The following CPQ variants were observed in gnomAD, a reference collection of about 807,000 sequenced individuals.
The protein encoded by CPQ is Ser-Met dipeptidase.
In CPQ, 37 loss-of-function variants were observed where a neutral mutation model predicts 45.7. The observed-to-expected ratio is 0.81, with a 90% confidence interval of 0.62 to 1.07. The LOEUF (loss-of-function observed/expected upper bound fraction) is 1.07, where lower values mean the gene tolerates loss of function less well. CPQ is among the 50% of genes least tolerant of loss of function. The pLI, the probability that CPQ is intolerant of heterozygous loss-of-function variation, is 0.00. For synonymous variants in CPQ, 186 were observed against 205.8 expected, an observed-to-expected ratio of 0.90 and a Z score of 0.82; for missense variants, 537 against 572.9, an observed-to-expected ratio of 0.94 and a Z score of 0.64.
intron 7 of CPQ, among the ~76,000 whole-genome samples, chr8:97,082,690 G>A (rs1294623536): frequency 1.3e-5 from 2 of 152,078 alleles, no homozygotes; most frequent in Non-Finnish European, 2.9e-5. Context: ...CAGTTTACTT[G>A]AGACGCTCAA....
At chr8:96,742,836 G>A (rs367741718) in intron 1 of CPQ, among the ~76,000 whole-genome samples, 49 of 152,220 alleles carry the variant, frequency 3.2e-4, no homozygotes, top group South Asian at 3.1e-3. Flanking sequence ...AGTTTCTGCC[G>A]AGAGATCTGC....
intron 2 of CPQ, among the ~76,000 whole-genome samples, chr8:96,831,549 C>A (rs186128556): frequency 8.0e-4 from 121 of 151,770 alleles, no homozygotes; most frequent in Non-Finnish European, 1.3e-3. Flanking sequence ...ATGAATATTC[C>A]CTTTGGTATA....
chr8:97,129,546 C>T (rs1465912852), intron 7 of CPQ, among the ~76,000 whole-genome samples: 1 of 152,000 alleles, frequency 6.6e-6, no homozygotes, highest in African/African-American at 2.4e-5. Flanking sequence ...TTACTTGTTT[C>T]ATCATTAAAC....
At chr8:96,830,126 A>G (rs1016035802) in intron 2 of CPQ, among the ~76,000 whole-genome samples, 1 of 152,160 alleles carries the variant, frequency 6.6e-6, no homozygotes, top group African/African-American at 2.4e-5. Context: ...AGATTATGTG[A>G]TAAGAGTAGA....
intron 1 of CPQ, among the ~76,000 whole-genome samples, chr8:96,668,579 C>T (rs995344143): frequency 3.3e-5 from 5 of 152,154 alleles, no homozygotes; most frequent in African/African-American, 7.2e-5. Flanking sequence ...TTGCATTTTA[C>T]ACAGTGTGTT....
chr8:96,965,959 G>C lies in CPQ; in HGVS notation c.874G>C (p.Asp292His), dbSNP rs761579510. 7 of 1,613,540 alleles carry C rather than the reference G, an allele frequency of 4.3e-6. No individual in the cohort carries two copies. The highest frequency in any genetic ancestry group is 5.9e-6 in the Non-Finnish European group (7 of 1,179,852). ...EQVVLVSGHL[D>H]SWDVGQGAMD... ...GGTTGTACTGGTCAGTGGACATCTG[G>C]ACAGCTGGGATGTTGGGCAGGGTGC... Residue 292 changes from aspartate to histidine, a missense_variant, in exon 5 of 8, where the codon GAC becomes CAC. Asp to His is a moderately conservative substitution (Grantham distance 81). Transcript: ENST00000220763.
intron 4 of CPQ, among the ~76,000 whole-genome samples, chr8:96,882,993 T>TA (rs1812248501): frequency 1.3e-5 from 2 of 152,318 alleles, no homozygotes; most frequent in South Asian, 4.1e-4. Context: ...AGTTGTTTTT[T>TA]AAATTATTAT....
chr8:97,021,697 T>C (rs1181965753), intron 5 of CPQ, among the ~76,000 whole-genome samples: 1 of 152,188 alleles, frequency 6.6e-6, no homozygotes, highest in Non-Finnish European at 1.5e-5. Flanking sequence ...AAAACACTGC[T>C]GAAAGAAATC....
intron 5 of CPQ, among the ~76,000 whole-genome samples, chr8:96,995,137 G>C (rs1454513984): frequency 6.6e-6 from 1 of 151,928 alleles, no homozygotes; most frequent in Non-Finnish European, 1.5e-5. Context: ...TCACTTGTTG[G>C]GTATTTTAAC....
chr8:96,667,014 T>G (rs1808933470), intron 1 of CPQ, among the ~76,000 whole-genome samples: 1 of 152,190 alleles, frequency 6.6e-6, no homozygotes, highest in Non-Finnish European at 1.5e-5. Context: ...TATTAGCTGT[T>G]GCCTTTCTAG....
rs199799757 is a variant in CPQ, at chr8:96,742,971, G to A, written c.-34-41893G>A. Among the ~76,000 whole-genome samples the A allele has an allele frequency of 7.9e-5, 12 of 152,140 alleles. No homozygotes were observed. The East Asian group carries it at 1.5e-3, about 20-fold the overall frequency. On this transcript the variant is annotated intron_variant, in intron 1 of 7. Transcript: ENST00000220763. ...TATGTGTCTTGGTGTTGCTCTTCTC[G>A]AGGAGTATCTTTGTGGTGTTCTCTG...
chr8:97,018,695 A>T (rs1363690358), intron 5 of CPQ, among the ~76,000 whole-genome samples: 1 of 152,208 alleles, frequency 6.6e-6, no homozygotes, highest in Non-Finnish European at 1.5e-5. Context: ...AAAAAAGAAT[A>T]AGAAAATATA....
chr8:96,668,473 G>A (rs1808957366), intron 1 of CPQ, among the ~76,000 whole-genome samples: 1 of 152,064 alleles, frequency 6.6e-6, no homozygotes. Flanking sequence ...ATTCTGACTC[G>A]GGTAGCTCAG....
chr8:96,816,969 A>T (rs1811236481), intron 2 of CPQ, among the ~76,000 whole-genome samples: 1 of 152,140 alleles, frequency 6.6e-6, no homozygotes, highest in African/African-American at 2.4e-5. Flanking sequence ...CATAACTTTT[A>T]AAAGCCCTAT....
chr8:96,712,311 T>C (rs1809617293), intron 1 of CPQ, among the ~76,000 whole-genome samples: 1 of 152,126 alleles, frequency 6.6e-6, no homozygotes, highest in South Asian at 2.1e-4. Flanking sequence ...AGCATTCTGG[T>C]ATCTGGAGGA....
At chr8:96,955,484 A>C (rs1267530445) in intron 4 of CPQ, among the ~76,000 whole-genome samples, 4 of 152,180 alleles carry the variant, frequency 2.6e-5, no homozygotes, top group Non-Finnish European at 5.9e-5. Flanking sequence ...ATCCCCATCA[A>C]GCTACCAATG....
In CPQ at chr8:97,143,144, T is replaced by C. The variant is rs1249973824; in HGVS notation, c.1380T>C (p.Tyr460=). ...VAAAVWAVVS[Y]VVADMEEMLP... is the part of the protein sequence containing the mutation. ...CTGCTGTTTGGGCTGTTGTTTCTTATGTTGTTGCAGACATGGAAGAAATGC... is the reference window on the plus strand; with the variant it reads ...CTGCTGTTTGGGCTGTTGTTTCTTACGTTGTTGCAGACATGGAAGAAATGC... The change falls in exon 8 of 8, where the codon TAT becomes TAC. Residue 460 remains tyrosine, a synonymous_variant. Transcript: ENST00000220763. The C allele has an allele frequency of 3.7e-6, 6 of 1,614,060 alleles. No individual in the cohort carries two copies. Among genetic ancestry groups the C allele is most frequent in the Non-Finnish European group, 5.1e-6 (6 of 1,179,948 alleles).
At chr8:97,129,891 G>A (rs1444513548) in intron 7 of CPQ, among the ~76,000 whole-genome samples, 1 of 152,096 alleles carries the variant, frequency 6.6e-6, no homozygotes, top group Admixed American at 6.6e-5. Flanking sequence ...GCACTTAGTG[G>A]GAGCTCAGTA....
chr8:96,664,871 T>G (rs1421690806), intron 1 of CPQ, among the ~76,000 whole-genome samples: 1 of 152,216 alleles, frequency 6.6e-6, no homozygotes, highest in African/African-American at 2.4e-5. Context: ...TGCTGAATGA[T>G]GATGATACAG....
Sources: allele counts gnomAD v4.1 joint callset (sites outside exome capture counted in the v4.1 genomes callset), GRCh38; gene constraint gnomAD v4.1.1; transcripts MANE v1.5; gene names NCBI Gene and HGNC (gene_info 2026-07-23, HGNC 2026-07-21).